SPHKAP: variants seen among roughly 807,000 people sequenced by gnomAD.
SPHKAP encodes the protein A-kinase anchor protein SPHKAP.
A neutral mutation model predicts 137.5 loss-of-function variants in SPHKAP; 67 were observed. That is an observed-to-expected ratio of 0.49 (90% CI 0.40 to 0.60). The LOEUF is 0.60. SPHKAP is among the 20% of genes least tolerant of loss of function. SPHKAP has a pLI of 0.00. For missense variants in SPHKAP, 2,097 were observed against 2,069.3 expected (o/e 1.01, Z -0.26); for synonymous variants, 813 against 785.3 (o/e 1.04, Z -0.59).
chr2:228,132,927 C>T (rs1294812911), intron 1 of SPHKAP, among the ~76,000 whole-genome samples: 1 of 151,970 alleles, frequency 6.6e-6, no homozygotes, highest in African/African-American at 2.4e-5. Context: ...TCGTTTGAAC[C>T]CGGGAGGTGG....
chr2:228,032,362 C>T (rs1380803862), intron 3 of SPHKAP, among the ~76,000 whole-genome samples: 1 of 152,094 alleles, frequency 6.6e-6, no homozygotes, highest in East Asian at 1.9e-4. Flanking sequence ...ACAAAGCCTC[C>T]AAGAAATATG....
rs759064076 is a variant in SPHKAP, at chr2:228,021,720, A to G, written c.688T>C (p.Ser230Pro). The G allele has an allele frequency of 1.2e-6, 2 of 1,612,554 alleles. No individual in the cohort carries two copies. Among genetic ancestry groups the G allele is most frequent in the Non-Finnish European group, 1.7e-6 (2 of 1,179,396 alleles). Residue 230 changes from serine (S) to proline (P), a missense_variant, in exon 6 of 12, where the codon TCT becomes CCT. Ser to Pro is a moderately conservative substitution (Grantham distance 74, BLOSUM62 -1). Transcript: ENST00000392056. ...HLEEESEVDESRNDYENINVS... is the reference protein window; with the variant it reads ...HLEEESEVDEPRNDYENINVS... The stretch of plus-strand genomic sequence containing the variant: ...ATTGGAAAGTTCTCACCGTTCCTAG[A>G]TTCATCCACCTCGCTTTCCTCCTCC...
At chr2:228,053,062 A>G (rs1455237266) in intron 3 of SPHKAP, among the ~76,000 whole-genome samples, 1 of 152,174 alleles carries the variant, frequency 6.6e-6, no homozygotes. Flanking sequence ...GTCCTAGATC[A>G]GGGTGCCTGC....
chr2:228,001,260 C>G (rs1038148584), intron 7 of SPHKAP, among the ~76,000 whole-genome samples: 2 of 134,164 alleles, frequency 1.5e-5, no homozygotes, highest in African/African-American at 5.6e-5. Flanking sequence ...CACACACACA[C>G]ACATATATAA....
chr2:228,171,519 G>A (rs1700584047), intron 1 of SPHKAP, among the ~76,000 whole-genome samples: 1 of 152,098 alleles, frequency 6.6e-6, no homozygotes, highest in Admixed American at 6.6e-5. Context: ...TTTTAAGTTA[G>A]GGGTCACCTG....
At chr2:228,034,447 A>C (rs903455262) in intron 3 of SPHKAP, among the ~76,000 whole-genome samples, 2 of 152,162 alleles carry the variant, frequency 1.3e-5, no homozygotes, top group Non-Finnish European at 2.9e-5. Context: ...ATTCTACCAG[A>C]GGTACAAGGA....
At chr2:228,179,770 A>G (rs756859503) in intron 1 of SPHKAP, among the ~76,000 whole-genome samples, 4 of 152,250 alleles carry the variant, frequency 2.6e-5, no homozygotes, top group Non-Finnish European at 5.9e-5. Context: ...TATAGTACTG[A>G]GACAGAAATA....
chr2:228,036,552 T>C (rs1456165691), intron 3 of SPHKAP, among the ~76,000 whole-genome samples: 6 of 152,162 alleles, frequency 3.9e-5, no homozygotes, highest in Admixed American at 2.0e-4. Context: ...CAAAGGATTA[T>C]AAATCATGCT....
At chr2:228,102,282 A>T (rs1371570812) in intron 3 of SPHKAP, among the ~76,000 whole-genome samples, 6 of 151,842 alleles carry the variant, frequency 4.0e-5, no homozygotes, top group Non-Finnish European at 5.9e-5. Context: ...TGGTTTTTAA[A>T]TTATGTTTAT....
chr2:228,066,015 G>A (rs901004781), intron 3 of SPHKAP, among the ~76,000 whole-genome samples: 1 of 152,182 alleles, frequency 6.6e-6, no homozygotes, highest in African/African-American at 2.4e-5. Flanking sequence ...GTGGGATGAA[G>A]CTTCAAATGG....
intron 8 of SPHKAP, chr2:227,994,187 G>T (rs1018443625): frequency 4.2e-6 from 2 of 476,240 alleles, no homozygotes; most frequent in Non-Finnish European, 5.5e-6. Flanking sequence ...GTACAAAGCT[G>T]GGCAATGTCA....
intron 1 of SPHKAP, among the ~76,000 whole-genome samples, chr2:228,152,108 G>T (rs1699952181): frequency 6.6e-6 from 1 of 152,016 alleles, no homozygotes; most frequent in Admixed American, 6.6e-5. Flanking sequence ...ATTAATCCTT[G>T]GTATTTGTTG....
At position 228,021,588 on chromosome 2, in the gene SPHKAP, T is replaced by C. The variant is rs140937158; in HGVS notation, c.697+123A>G. ...ATCCTCCTTCCTTCCTTCCTTAAAA[T>C]TCAGCAAGTAAAGACTGTGATGTGT... On this transcript the variant is annotated intron_variant, in intron 6 of 11. Coordinates refer to ENST00000392056, the MANE Select transcript of SPHKAP (RefSeq NM_001142644.2). 9.4e-4 allele frequency: 1,113 copies of C among 1,178,180 alleles called. 5 individuals are homozygous for C. Among genetic ancestry groups the C allele is most frequent in the Non-Finnish European group, 1.0e-3 (849 of 832,860 alleles). The allele number at this position is 1,178,180 out of a possible 1,614,324, so 73.0% of individuals were successfully genotyped here.
In SPHKAP at chr2:227,981,474, T is replaced by G. The variant is rs951050536; in HGVS notation, c.*243A>C. 1 of 330,608 alleles carries G rather than the reference T, an allele frequency of 3.0e-6. No individual in the cohort carries two copies. Among genetic ancestry groups the G allele is most frequent in the African/African-American group, 2.1e-5 (1 of 46,786 alleles). The allele number at this position is 330,608 out of a possible 1,614,324, so 20.5% of individuals were successfully genotyped here. On this transcript the variant is annotated 3_prime_UTR_variant, in exon 12 of 12. Transcript: ENST00000392056. ...ATTTGGGCCCCATTGAATTCTCTCT[T>G]TGTCCAGCCCTTCTAATCCAAGCTC... is the stretch of plus-strand genomic sequence containing the variant.
At chr2:228,164,772 GC>G (rs1298232197) in intron 1 of SPHKAP, among the ~76,000 whole-genome samples, 1 of 152,116 alleles carries the variant, frequency 6.6e-6, no homozygotes, top group African/African-American at 2.4e-5. Flanking sequence ...TTGCTCTCCT[GC>G]CTCTGGACTC....
At chr2:228,063,143 CCTAT>C (rs71043020) in intron 3 of SPHKAP, among the ~76,000 whole-genome samples, 4,399 of 145,930 alleles carry the variant, frequency 0.03, 78 homozygotes, top group Middle Eastern at 0.086. Context: ...TAGATAGATC[CCTAT>C]CTATCTATCT....
rs562780526 is a variant in SPHKAP, at chr2:227,993,997, G to A, written c.4635-377C>T. 10 of 964,662 alleles carry A rather than the reference G, an allele frequency of 1.0e-5. No homozygotes were observed. In the South Asian group the frequency reaches 3.4e-4, roughly 32 times the overall value. The allele number at this position is 964,662 out of a possible 1,614,324, so 59.8% of individuals were successfully genotyped here. ...CGGCAAGAGATTTCTTGCTGCTGGG[G>A]ACACCTGCAGAGATGAAGGAACTTC... is the stretch of plus-strand genomic sequence containing the variant. On this transcript the variant is annotated intron_variant, in intron 8 of 11. Coordinates refer to ENST00000392056, the MANE Select transcript of SPHKAP (RefSeq NM_001142644.2).
chr2:228,016,987 G>A lies in SPHKAP; in HGVS notation c.3867C>T (p.Asp1289=), dbSNP rs1386539245. The part of the protein sequence containing the change: ...SASSSGLCKS[D]SCLYRRGGTD... ...TCCCACCTCTCCGATACAAGCAAGAGTCAGATTTGCAGAGACCGGATGAGG... is the reference window on the plus strand; with the variant it reads ...TCCCACCTCTCCGATACAAGCAAGAATCAGATTTGCAGAGACCGGATGAGG... The change falls in exon 7 of 12, where the codon GAC becomes GAT. Residue 1289 remains aspartate, a synonymous_variant. Coordinates refer to ENST00000392056, the MANE Select transcript of SPHKAP (RefSeq NM_001142644.2). The A allele has an allele frequency of 1.9e-6, 3 of 1,614,160 alleles. No homozygotes were observed. In the South Asian group the frequency reaches 3.3e-5, roughly 18 times the overall value.
At chr2:228,161,707 C>CAAAAT (rs374926708) in intron 1 of SPHKAP, among the ~76,000 whole-genome samples, 23,644 of 151,060 alleles carry the variant, frequency 0.16, 1,972 homozygotes, top group African/African-American at 0.21. Context: ...AAAAATAGAA[C>CAAAAT]AAAATAAAAT....
Sources: allele counts gnomAD v4.1 joint callset (sites outside exome capture counted in the v4.1 genomes callset), GRCh38; gene constraint gnomAD v4.1.1; transcripts MANE v1.5; gene names NCBI Gene and HGNC (gene_info 2026-07-23, HGNC 2026-07-21).